The following CSMD3 variants were observed in gnomAD, a reference collection of about 807,000 sequenced individuals.
CSMD3 encodes the protein CUB and sushi domain-containing protein 3.
Under a neutral mutation model 435.2 loss-of-function variants are expected in CSMD3, and 177 were observed. That is an observed-to-expected ratio of 0.41 (90% CI 0.36 to 0.46). The LOEUF is 0.46. Among genes scored for constraint, CSMD3 ranks in the 20% least tolerant of loss-of-function variants. The pLI, the probability that CSMD3 is intolerant of heterozygous loss-of-function variation, is 0.34. For missense variants in CSMD3, 4,265 were observed against 4,504.6 expected, an observed-to-expected ratio of 0.95 and a Z score of 1.52; for synonymous variants, 1,656 against 1,520.5, an observed-to-expected ratio of 1.09 and a Z score of -2.07.
At chr8:112,938,132 C>G (rs1204684114) in intron 9 of CSMD3, among the ~76,000 whole-genome samples, 1 of 152,090 alleles carries the variant, frequency 6.6e-6, no homozygotes, top group African/African-American at 2.4e-5. Flanking sequence ...TAATCTGAGA[C>G]CAGTTTTATC....
intron 1 of CSMD3, among the ~76,000 whole-genome samples, chr8:113,369,067 CA>C (rs1360630415): frequency 6.6e-6 from 1 of 151,804 alleles, no homozygotes; most frequent in Non-Finnish European, 1.5e-5. Context: ...GTGAGGCAAA[CA>C]AAAGGAGAAT....
intron 1 of CSMD3, among the ~76,000 whole-genome samples, chr8:113,316,637 C>T (rs934765151): frequency 2.6e-5 from 4 of 151,816 alleles, no homozygotes; most frequent in African/African-American, 9.7e-5. Context: ...GCAACCTCCC[C>T]CTCCTGGGTT....
intron 3 of CSMD3, among the ~76,000 whole-genome samples, chr8:113,215,362 A>G (rs772927543): frequency 2.6e-5 from 4 of 151,876 alleles, no homozygotes; most frequent in Non-Finnish European, 2.9e-5. Context: ...TTAATAAAAG[A>G]GACTCAAAGT....
At chr8:113,291,058 A>AT (rs2093683048) in intron 2 of CSMD3, among the ~76,000 whole-genome samples, 1 of 151,558 alleles carries the variant, frequency 6.6e-6, no homozygotes, top group Non-Finnish European at 1.5e-5. Flanking sequence ...GTCTTCATAT[A>AT]TTTGAATGTT....
chr8:113,107,364 C>T (rs185627926), intron 4 of CSMD3, among the ~76,000 whole-genome samples: 333 of 152,310 alleles, frequency 2.2e-3, no homozygotes, highest in African/African-American at 7.7e-3. Flanking sequence ...GCCTTGGCCT[C>T]CAAAAGTGCT....
At chr8:113,243,946 GATTT>G (rs1433032780) in intron 3 of CSMD3, among the ~76,000 whole-genome samples, 1 of 151,984 alleles carries the variant, frequency 6.6e-6, no homozygotes, top group Non-Finnish European at 1.5e-5. Flanking sequence ...TATTTAAACT[GATTT>G]ATTTGTAATT....
chr8:112,701,806 G>T lies in CSMD3; in HGVS notation c.1973-11756C>A, dbSNP rs2076395140. On this transcript the variant is annotated intron_variant, in intron 13 of 70. Transcript: ENST00000297405. Reference sequence around the variant, plus strand: ...TGTTAGACATGTTGAAGCACTTGTTGTTCCCTTTCAACCTCTGTGCCCTGA... The same window carrying T: ...TGTTAGACATGTTGAAGCACTTGTTTTTCCCTTTCAACCTCTGTGCCCTGA... 2.0e-5 allele frequency among the ~76,000 whole-genome samples: 3 copies of T among 152,078 alleles called. No individual in the cohort carries two copies. The South Asian group carries it at 6.2e-4, about 31-fold the overall frequency.
chr8:112,678,719 T>TAA lies in CSMD3; in HGVS notation c.2677+3721_2677+3722dup, dbSNP rs71819943. Among the ~76,000 whole-genome samples, 141 of 152,126 alleles carry TAA rather than the reference T, an allele frequency of 9.3e-4. 1 individual carries two copies. Among genetic ancestry groups the TAA allele is most frequent in the Non-Finnish European group, 5.3e-4 (36 of 67,996 alleles). ...ATACACAACAATCCATATATATATA[T>TAA]AACTTTTAACAATGAATTTGATTTT... On this transcript the variant is annotated intron_variant, in intron 16 of 70. Coordinates refer to ENST00000297405, the MANE Select transcript of CSMD3 (RefSeq NM_198123.2).
At chr8:113,278,727 G>A (rs752697765) in intron 2 of CSMD3, 23 bp from the exon 3 acceptor site, 1 of 1,037,642 alleles carries the variant, frequency 9.6e-7, no homozygotes, top group Non-Finnish European at 1.5e-6. Context: ...GGAATTAATT[G>A]TTAGAGACAT....
At chr8:112,274,237 A>G (rs2130508503) in intron 59 of CSMD3, among the ~76,000 whole-genome samples, 1 of 152,326 alleles carries the variant, frequency 6.6e-6, no homozygotes, top group Admixed American at 6.5e-5. Flanking sequence ...ATTTAAAAAA[A>G]AGAAATATTT....
At chr8:112,511,019 A>T (rs558456263) in intron 28 of CSMD3, among the ~76,000 whole-genome samples, 1 of 152,318 alleles carries the variant, frequency 6.6e-6, no homozygotes, top group Admixed American at 6.5e-5. Flanking sequence ...TATGAAAAAA[A>T]GTATAATAGC....
chr8:113,350,589 C>T (rs961373447), intron 1 of CSMD3, among the ~76,000 whole-genome samples: 9 of 152,068 alleles, frequency 5.9e-5, no homozygotes, highest in African/African-American at 1.2e-4. Context: ...CTCCCTAATA[C>T]GGGAAAGATC....
chr8:112,943,380 G>A (rs1394723477), intron 9 of CSMD3, among the ~76,000 whole-genome samples: 1 of 151,322 alleles, frequency 6.6e-6, no homozygotes, highest in Non-Finnish European at 1.5e-5. Context: ...GGTGTTTTAT[G>A]AAATAACTGA....
chr8:113,401,407 A>G (rs1034530721), intron 1 of CSMD3, among the ~76,000 whole-genome samples: 2 of 151,698 alleles, frequency 1.3e-5, no homozygotes, highest in South Asian at 4.1e-4. Flanking sequence ...TTTAAATTTT[A>G]TAGTCATTGA....
chr8:112,558,982 A>C (rs1226713063), intron 24 of CSMD3, among the ~76,000 whole-genome samples: 3 of 152,036 alleles, frequency 2.0e-5, no homozygotes, highest in African/African-American at 4.8e-5. Context: ...GAAAAAGCAC[A>C]GTTCTTAGAA....
intron 3 of CSMD3, among the ~76,000 whole-genome samples, chr8:113,237,980 C>T (rs943406135): frequency 4.0e-5 from 6 of 149,158 alleles, no homozygotes; most frequent in Admixed American, 3.4e-4. Flanking sequence ...GAGGCCGAGG[C>T]AGGAGAATCA....
chr8:112,697,897 T>G (rs982624787), intron 13 of CSMD3, among the ~76,000 whole-genome samples: 7 of 152,062 alleles, frequency 4.6e-5, no homozygotes, highest in Non-Finnish European at 1.0e-4. Context: ...CAGAGTTATC[T>G]CACCGAGTAG....
At chr8:112,719,651 G>T (rs971118735) in intron 13 of CSMD3, among the ~76,000 whole-genome samples, 2 of 152,070 alleles carry the variant, frequency 1.3e-5, no homozygotes, top group African/African-American at 4.8e-5. Context: ...TATCATATTG[G>T]GGGTTAGGGC....
chr8:112,974,367 A>G (rs2084769209), intron 7 of CSMD3, among the ~76,000 whole-genome samples: 2 of 151,970 alleles, frequency 1.3e-5, no homozygotes, highest in Non-Finnish European at 2.9e-5. Flanking sequence ...TTGGTTTTAC[A>G]ATAAACTTAT....
Sources: gnomAD v4.1 joint callset for allele counts (sites outside exome capture counted in the v4.1 genomes callset) on GRCh38, gnomAD v4.1.1 for gene constraint, MANE v1.5 for transcripts, NCBI Gene and HGNC (gene_info 2026-07-23, HGNC 2026-07-21) for gene names.